PCDH9: variants seen among roughly 807,000 people sequenced by gnomAD.
PCDH9 encodes the protein protocadherin 9.
PCDH9 carries 24 observed loss-of-function variants against 70.6 expected under a neutral mutation model. The ratio of observed to expected loss-of-function variants is 0.34; its 90% CI spans 0.25 to 0.48. The LOEUF (loss-of-function observed/expected upper bound fraction) is 0.48. Among genes scored for constraint, PCDH9 ranks in the 20% least tolerant of loss-of-function variants. The pLI is 0.99. For synonymous variants in PCDH9, 562 were observed against 558.5 expected, an observed-to-expected ratio of 1.01 and a Z score of -0.09; for missense variants, 1,281 against 1,503.6, an observed-to-expected ratio of 0.85 and a Z score of 2.45.
At chr13:66,527,445 G>T (rs1372744576) in intron 4 of PCDH9, among the ~76,000 whole-genome samples, 1 of 151,880 alleles carries the variant, frequency 6.6e-6, no homozygotes. Flanking sequence ...ATTCATCTTT[G>T]CCCCTCCCTT....
At chr13:67,144,477 A>G (rs1200457688) in intron 2 of PCDH9, among the ~76,000 whole-genome samples, 2 of 152,154 alleles carry the variant, frequency 1.3e-5, no homozygotes, top group Admixed American at 1.3e-4. Flanking sequence ...AAAATCTCAT[A>G]TATTTTATAA....
chr13:66,985,199 C>A (rs763051457), intron 2 of PCDH9, among the ~76,000 whole-genome samples: 3 of 152,032 alleles, frequency 2.0e-5, no homozygotes, highest in Non-Finnish European at 4.4e-5. Flanking sequence ...CTTTTATGCT[C>A]AACCTTGACA....
chr13:66,619,452 T>C (rs1024165216), intron 4 of PCDH9, among the ~76,000 whole-genome samples: 8 of 152,182 alleles, frequency 5.3e-5, no homozygotes, highest in Non-Finnish European at 1.2e-4. Context: ...AGAATTTTAT[T>C]TATTTTTTAA....
At chr13:66,604,639 C>A (rs1344688533) in intron 4 of PCDH9, among the ~76,000 whole-genome samples, 1 of 151,954 alleles carries the variant, frequency 6.6e-6, no homozygotes, top group East Asian at 1.9e-4. Context: ...ACTGTTAACT[C>A]AGTACGTAAT....
chr13:67,210,586 GTAAT>G (rs1372128212), intron 2 of PCDH9: 1 of 151,886 alleles, frequency 6.6e-6, no homozygotes, highest in Non-Finnish European at 1.5e-5. Flanking sequence ...GTTTCCCTAA[GTAAT>G]TAACAAAAGC....
At chr13:66,858,403 G>A (rs1037830175) in intron 3 of PCDH9, among the ~76,000 whole-genome samples, 4 of 152,100 alleles carry the variant, frequency 2.6e-5, no homozygotes, top group African/African-American at 9.7e-5. Context: ...TGACATACAA[G>A]GTTACAAGTG....
chr13:66,686,711 T>G (rs908516579), intron 3 of PCDH9, among the ~76,000 whole-genome samples: 16 of 152,074 alleles, frequency 1.1e-4, no homozygotes, highest in African/African-American at 3.6e-4. Flanking sequence ...CAGTGTGTAG[T>G]TTGGTGAGTG....
At chr13:67,120,669 A>T (rs955263773) in intron 2 of PCDH9, among the ~76,000 whole-genome samples, 3 of 152,174 alleles carry the variant, frequency 2.0e-5, no homozygotes, top group African/African-American at 4.8e-5. Flanking sequence ...AGTCACAGAA[A>T]AACTTCATCC....
chr13:66,393,060 C>A (rs1957046224), intron 4 of PCDH9, among the ~76,000 whole-genome samples: 1 of 152,100 alleles, frequency 6.6e-6, no homozygotes, highest in Non-Finnish European at 1.5e-5. Flanking sequence ...GAATATTTCA[C>A]CTGACTTGTG....
chr13:66,828,012 CTCTG>C (rs1338129274), intron 3 of PCDH9, among the ~76,000 whole-genome samples: 4 of 152,198 alleles, frequency 2.6e-5, no homozygotes, highest in Non-Finnish European at 4.4e-5. Flanking sequence ...CGCATCTTCT[CTCTG>C]TCCAGTTTCT....
At chr13:66,739,348 G>A (rs9592485) in intron 3 of PCDH9, among the ~76,000 whole-genome samples, 74,321 of 129,650 alleles carry the variant, frequency 0.57, 22,531 homozygotes, top group Non-Finnish European at 0.7. Flanking sequence ...GAAGCGCTAA[G>A]CATGGAAAGG....
At chr13:66,984,909 A>ACC (rs201110618) in intron 2 of PCDH9, among the ~76,000 whole-genome samples, 2 of 151,762 alleles carry the variant, frequency 1.3e-5, no homozygotes, top group African/African-American at 2.4e-5. Context: ...ATATGTGTGG[A>ACC]CCCCCCATCT....
chr13:66,908,887 T>C (rs955893755), intron 2 of PCDH9, among the ~76,000 whole-genome samples: 2 of 152,174 alleles, frequency 1.3e-5, no homozygotes, highest in Non-Finnish European at 2.9e-5. Context: ...TGTCGTATGA[T>C]AAATTTTAAA....
chr13:66,422,037 A>C (rs1957577211), intron 4 of PCDH9, among the ~76,000 whole-genome samples: 2 of 152,194 alleles, frequency 1.3e-5, no homozygotes, highest in African/African-American at 4.8e-5. Context: ...AGAGACTTTA[A>C]ACCAACAACG....
chr13:67,148,338 A>C (rs1464622625), intron 2 of PCDH9, among the ~76,000 whole-genome samples: 1 of 151,992 alleles, frequency 6.6e-6, no homozygotes, highest in African/African-American at 2.4e-5. Context: ...TTCCCCAGAC[A>C]GTTAGGGACC....
chr13:66,494,647 C>T (rs1449910745), intron 4 of PCDH9, among the ~76,000 whole-genome samples: 1 of 152,096 alleles, frequency 6.6e-6, no homozygotes, highest in Non-Finnish European at 1.5e-5. Flanking sequence ...CTGGGGTACA[C>T]ACCCTTTAAG....
intron 4 of PCDH9, among the ~76,000 whole-genome samples, chr13:66,616,277 C>T (rs1458924657): frequency 3.3e-5 from 5 of 152,118 alleles, no homozygotes; most frequent in Admixed American, 6.6e-5. Flanking sequence ...GTGGAACAGA[C>T]GTCCATCAAA....
chr13:66,978,284 CAGAT>C (rs1840071342), intron 2 of PCDH9: 1 of 151,570 alleles, frequency 6.6e-6, no homozygotes, highest in African/African-American at 2.4e-5. Flanking sequence ...TGATAATTTT[CAGAT>C]AGATCTTGTA....
intron 3 of PCDH9, among the ~76,000 whole-genome samples, chr13:66,865,139 T>C (rs1435886686): frequency 6.6e-6 from 1 of 152,218 alleles, no homozygotes; most frequent in Non-Finnish European, 1.5e-5. Flanking sequence ...CAAAAGATAC[T>C]GTCTAAATAG....
Sources: gnomAD v4.1 joint callset for allele counts (sites outside exome capture counted in the v4.1 genomes callset) on GRCh38, gnomAD v4.1.1 for gene constraint, MANE v1.5 for transcripts, NCBI Gene and HGNC (gene_info 2026-07-23, HGNC 2026-07-21) for gene names.